The following CFAP20DC variants were observed in gnomAD, a reference collection of about 807,000 sequenced individuals.
CFAP20DC encodes the protein protein CFAP20DC.
CFAP20DC carries 84 observed loss-of-function variants against 101.7 expected under a neutral mutation model. The observed-to-expected ratio is 0.83, with a 90% confidence interval of 0.69 to 0.99. CFAP20DC has a LOEUF of 0.99. CFAP20DC is among the 50% of genes least tolerant of loss of function. The probability of loss-of-function intolerance (pLI) is 0.00; values close to 1 mark genes in which losing one functional copy is unlikely to be tolerated. For missense variants in CFAP20DC, 1,007 were observed against 970.3 expected (o/e 1.04, Z -0.50); for synonymous variants, 359 against 351.2 (o/e 1.02, Z -0.25).
chr3:58,938,122 T>C (rs191354977), intron 4 of CFAP20DC, among the ~76,000 whole-genome samples: 1 of 152,332 alleles, frequency 6.6e-6, no homozygotes, highest in East Asian at 1.9e-4. Flanking sequence ...TCTTGGGACA[T>C]ACTGTCACCT....
intron 13 of CFAP20DC, among the ~76,000 whole-genome samples, chr3:58,847,267 C>T (rs2077746715): frequency 7.2e-6 from 1 of 138,000 alleles, no homozygotes; most frequent in Non-Finnish European, 1.6e-5. Context: ...ACCTACTCAT[C>T]TGACAAAGGG....
At chr3:58,804,934 A>G (rs1338627394) in intron 15 of CFAP20DC, among the ~76,000 whole-genome samples, 1 of 152,254 alleles carries the variant, frequency 6.6e-6, no homozygotes, top group African/African-American at 2.4e-5. Flanking sequence ...ACAAATAACC[A>G]GAGCAGGTGT....
At chr3:58,941,565 C>T (rs2088589939) in intron 4 of CFAP20DC, among the ~76,000 whole-genome samples, 2 of 151,568 alleles carry the variant, frequency 1.3e-5, no homozygotes, top group African/African-American at 4.8e-5. Context: ...TTATAACTTT[C>T]ATTTCTTTTT....
At chr3:58,780,017 C>T (rs2071678186) in intron 15 of CFAP20DC, among the ~76,000 whole-genome samples, 1 of 152,090 alleles carries the variant, frequency 6.6e-6, no homozygotes, top group African/African-American at 2.4e-5. Flanking sequence ...GTGGATTTCT[C>T]AGCAGAAACT....
At chr3:59,022,889 G>A (rs753383459) in intron 4 of CFAP20DC, among the ~76,000 whole-genome samples, 1 of 151,954 alleles carries the variant, frequency 6.6e-6, no homozygotes, top group Non-Finnish European at 1.5e-5. Flanking sequence ...GTATGGCCTT[G>A]AAAACATTTA....
At chr3:58,794,173 T>C (rs2073062800) in intron 15 of CFAP20DC, 1 of 316,424 alleles carries the variant, frequency 3.2e-6, no homozygotes, top group Non-Finnish European at 6.5e-6. Flanking sequence ...GCAAATAAGT[T>C]GTTTACCTCA....
chr3:58,849,330 A>G lies in CFAP20DC; in HGVS notation c.1673T>C (p.Leu558Pro), dbSNP rs906826346. 3 of 1,535,904 alleles carry G rather than the reference A, an allele frequency of 2.0e-6. No individual in the cohort carries two copies. In the African/African-American group the frequency reaches 4.1e-5, roughly 21 times the overall value. Residue 558 changes from leucine to proline, a missense_variant, in exon 13 of 17, where the codon CTG (leucine) becomes CCG (proline). By Grantham distance (98) the Leu-to-Pro change is moderately conservative. Coordinates refer to ENST00000482387, the MANE Select transcript of CFAP20DC (RefSeq NM_001394063.1). Reference sequence around the variant, plus strand: ...ACTTGTCCGCTTTGCAGCCTTCCCCAGCAGGCTCTCTAATGTTAACTGAGT... The same window carrying G: ...ACTTGTCCGCTTTGCAGCCTTCCCCGGCAGGCTCTCTAATGTTAACTGAGT... ...ELTQLTLESL[L>P]GKAAKRTSKE...
intron 15 of CFAP20DC, among the ~76,000 whole-genome samples, chr3:58,791,644 T>C (rs951938003): frequency 2.6e-5 from 4 of 152,226 alleles, no homozygotes; most frequent in Non-Finnish European, 4.4e-5. Context: ...AATAAGGGTA[T>C]GTTATGCTTG....
intron 12 of CFAP20DC, chr3:58,862,557 G>GA: frequency 1.0e-6 from 1 of 985,342 alleles, no homozygotes; most frequent in Non-Finnish European, 1.2e-6. Context: ...ATTAAAAGTT[G>GA]AAAAAACCCA....
rs542656866 is a variant in CFAP20DC at position 58,883,659 on chromosome 3, T to C, written c.715+886A>G. 5.1e-4 allele frequency among the ~76,000 whole-genome samples: 78 copies of C among 152,338 alleles called. 1 individual carries two copies. The highest frequency in any genetic ancestry group is 1.8e-3 in the African/African-American group (76 of 41,580). On this transcript the variant is annotated intron_variant, in intron 7 of 16. Coordinates refer to ENST00000482387, the MANE Select transcript of CFAP20DC (RefSeq NM_001394063.1). ...CATACATGTCCTGTGATTACCATCA[T>C]CATTTTACCTTTCATTCAAATACTT...
intron 4 of CFAP20DC, among the ~76,000 whole-genome samples, chr3:58,997,084 G>T (rs779026656): frequency 6.6e-6 from 1 of 152,170 alleles, no homozygotes; most frequent in Non-Finnish European, 1.5e-5. Flanking sequence ...CAAACTTTCT[G>T]TGAGCCTAAA....
intron 15 of CFAP20DC, among the ~76,000 whole-genome samples, chr3:58,762,399 C>T (rs1227322800): frequency 6.6e-6 from 1 of 152,062 alleles, no homozygotes; most frequent in Non-Finnish European, 1.5e-5. Context: ...GGTAGATCTC[C>T]CTCCATCCTT....
At chr3:58,850,897 A>G (rs533613893) in intron 12 of CFAP20DC, among the ~76,000 whole-genome samples, 17 of 152,234 alleles carry the variant, frequency 1.1e-4, no homozygotes, top group Middle Eastern at 3.4e-3. Context: ...ATGTTTTACC[A>G]TCATACACAC....
chr3:58,872,704 G>T (rs2080336878), intron 7 of CFAP20DC, among the ~76,000 whole-genome samples: 1 of 152,104 alleles, frequency 6.6e-6, no homozygotes, highest in African/African-American at 2.4e-5. Context: ...CTAATGAGAA[G>T]AATTTACTTC....
At chr3:59,000,248 G>A (rs2093271031) in intron 4 of CFAP20DC, among the ~76,000 whole-genome samples, 1 of 152,138 alleles carries the variant, frequency 6.6e-6, no homozygotes, top group South Asian at 2.1e-4. Flanking sequence ...GGCTCTCTCT[G>A]TTATTTAGGT....
At chr3:58,787,641 G>A (rs2072475735) in intron 15 of CFAP20DC, among the ~76,000 whole-genome samples, 1 of 152,040 alleles carries the variant, frequency 6.6e-6, no homozygotes, top group African/African-American at 2.4e-5. Context: ...CCATTACCGA[G>A]TATATACCCA....
At chr3:58,748,072 A>G (rs2068326886) in intron 16 of CFAP20DC, among the ~76,000 whole-genome samples, 1 of 152,172 alleles carries the variant, frequency 6.6e-6, no homozygotes, top group Non-Finnish European at 1.5e-5. Flanking sequence ...CATGTTGAAG[A>G]ACTTGGATCA....
intron 15 of CFAP20DC, among the ~76,000 whole-genome samples, chr3:58,786,550 C>T (rs908283805): frequency 6.6e-6 from 1 of 152,042 alleles, no homozygotes; most frequent in Non-Finnish European, 1.5e-5. Context: ...TTGTCCCAGA[C>T]CTGAATCCCT....
intron 13 of CFAP20DC, among the ~76,000 whole-genome samples, chr3:58,843,659 A>C (rs1312258311): frequency 1.3e-5 from 2 of 151,594 alleles, no homozygotes; most frequent in Non-Finnish European, 3.0e-5. Flanking sequence ...GGAAATACAG[A>C]GAATGCCACA....
Sources: allele counts gnomAD v4.1 joint callset (sites outside exome capture counted in the v4.1 genomes callset), GRCh38; gene constraint gnomAD v4.1.1; transcripts MANE v1.5; gene names NCBI Gene and HGNC (gene_info 2026-07-23, HGNC 2026-07-21).